The following TNFSF4 variants were observed in gnomAD, a reference collection of about 807,000 sequenced individuals.
TNFSF4 encodes the protein TNF superfamily member 4, also known as tumor necrosis factor ligand superfamily member 4.
In TNFSF4, 4 loss-of-function variants were observed where a neutral mutation model predicts 7.3. The ratio of observed to expected loss-of-function variants is 0.55; its 90% confidence interval spans 0.27 to 1.25. TNFSF4 has a LOEUF of 1.25. TNFSF4 is among the 50% of genes most tolerant of loss of function. The pLI is 0.12. For missense variants in TNFSF4, 181 were observed against 208.8 expected, an observed-to-expected ratio of 0.87 and a Z score of 0.82; for synonymous variants, 76 against 83.7, an observed-to-expected ratio of 0.91 and a Z score of 0.50.
chr1:173,290,102 C>T, the TNFSF4 span, among the ~76,000 whole-genome samples: 10 of 151,998 alleles, frequency 6.6e-5, no homozygotes, highest in African/African-American at 1.9e-4. Flanking sequence ...TACCTTAAAA[C>T]GAAAACATCA....
At chr1:173,381,997 A>T in the TNFSF4 span, among the ~76,000 whole-genome samples, 23 of 152,028 alleles carry the variant, frequency 1.5e-4, no homozygotes, top group Non-Finnish European at 2.6e-4. Context: ...GGGTGAAATA[A>T]AGGAATAAAA....
the TNFSF4 span, chr1:173,418,745 C>G: frequency 6.6e-6 from 1 of 151,586 alleles, no homozygotes; most frequent in Admixed American, 6.6e-5. Flanking sequence ...CGGGCTTCCA[C>G]CAGGACCCTA....
At chr1:173,239,035 T>C in the TNFSF4 span, among the ~76,000 whole-genome samples, 1 of 152,230 alleles carries the variant, frequency 6.6e-6, no homozygotes, top group East Asian at 1.9e-4. Context: ...GAGCCTGTTA[T>C]CTCCAAGATG....
the TNFSF4 span, among the ~76,000 whole-genome samples, chr1:173,443,564 A>G: frequency 6.6e-6 from 1 of 152,234 alleles, no homozygotes. Context: ...AGATAGATGT[A>G]GATATAGATA....
At chr1:173,405,637 A>C in the TNFSF4 span, among the ~76,000 whole-genome samples, 1 of 152,214 alleles carries the variant, frequency 6.6e-6, no homozygotes, top group Non-Finnish European at 1.5e-5. Context: ...GTACCAAGGT[A>C]AATTTAGGTT....
chr1:173,239,578 A>G, the TNFSF4 span, among the ~76,000 whole-genome samples: 1 of 152,160 alleles, frequency 6.6e-6, no homozygotes, highest in African/African-American at 2.4e-5. Flanking sequence ...TGTTATCCTC[A>G]TCTAACAGAA....
At chr1:173,210,804 C>T (rs896055403), upstream of TNFSF4, among the ~76,000 whole-genome samples, 3 of 152,062 alleles carry the variant, frequency 2.0e-5, no homozygotes, top group African/African-American at 4.8e-5. Context: ...TGCTCTGTGC[C>T]AGCTGAGGGA....
the TNFSF4 span, among the ~76,000 whole-genome samples, chr1:173,326,544 G>C: frequency 2.0e-5 from 3 of 152,092 alleles, no homozygotes; most frequent in African/African-American, 4.8e-5. Flanking sequence ...AGGAAATAAA[G>C]GGCATTCAAT....
the TNFSF4 span, among the ~76,000 whole-genome samples, chr1:173,352,522 C>A: frequency 6.6e-6 from 1 of 151,968 alleles, no homozygotes; most frequent in African/African-American, 2.4e-5. Context: ...AAAACCAGCA[C>A]GTTTTTATTA....
At chr1:173,313,522 T>C in the TNFSF4 span, among the ~76,000 whole-genome samples, 1 of 152,224 alleles carries the variant, frequency 6.6e-6, no homozygotes, top group Middle Eastern at 3.4e-3. Context: ...TCATCTCTCA[T>C]ATGTTAGTGA....
chr1:173,328,469 C>T, the TNFSF4 span, among the ~76,000 whole-genome samples: 60 of 151,400 alleles, frequency 4.0e-4, no homozygotes, highest in Middle Eastern at 6.8e-3. Context: ...CAAACCTGCA[C>T]GTTGTGCACA....
the TNFSF4 span, among the ~76,000 whole-genome samples, chr1:173,284,506 C>A: frequency 6.6e-6 from 1 of 152,214 alleles, no homozygotes; most frequent in Non-Finnish European, 1.5e-5. Context: ...GTAGATGAAA[C>A]TGTCTTCTAC....
the TNFSF4 span, among the ~76,000 whole-genome samples, chr1:173,228,675 A>C: frequency 6.6e-6 from 1 of 152,180 alleles, no homozygotes; most frequent in Non-Finnish European, 1.5e-5. Context: ...AAGCTTAAAA[A>C]CCTTGAAAAA....
the TNFSF4 span, among the ~76,000 whole-genome samples, chr1:173,346,762 G>GA: frequency 6.6e-6 from 1 of 152,012 alleles, no homozygotes; most frequent in African/African-American, 2.4e-5. Context: ...TGCCCACCCA[G>GA]AAAAACCTCT....
chr1:173,345,132 T>C, the TNFSF4 span, among the ~76,000 whole-genome samples: 24 of 152,320 alleles, frequency 1.6e-4, no homozygotes, highest in African/African-American at 5.8e-4. Flanking sequence ...CAGAGGCCCT[T>C]TGTAATAAAA....
At chr1:173,324,310 T>C in the TNFSF4 span, among the ~76,000 whole-genome samples, 1 of 152,066 alleles carries the variant, frequency 6.6e-6, no homozygotes, top group Non-Finnish European at 1.5e-5. Context: ...GACAAGCAAA[T>C]GCTGAGAGAT....
At chr1:173,304,194 G>A in the TNFSF4 span, among the ~76,000 whole-genome samples, 1 of 151,850 alleles carries the variant, frequency 6.6e-6, no homozygotes, top group African/African-American at 2.4e-5. Context: ...TAAAGGTTAT[G>A]GTATCTTTCA....
the TNFSF4 span, among the ~76,000 whole-genome samples, chr1:173,408,000 T>A: frequency 6.6e-6 from 1 of 152,144 alleles, no homozygotes; most frequent in African/African-American, 2.4e-5. Flanking sequence ...GCCAGAAAGT[T>A]GGCAATCTGC....
the TNFSF4 span, among the ~76,000 whole-genome samples, chr1:173,299,321 A>C: frequency 6.6e-6 from 1 of 151,744 alleles, no homozygotes; most frequent in Non-Finnish European, 1.5e-5. Flanking sequence ...ATCATGGCTC[A>C]CTCCCAGGGC....
Sources: allele counts gnomAD v4.1 joint callset (sites outside exome capture counted in the v4.1 genomes callset), GRCh38; gene constraint gnomAD v4.1.1; transcripts MANE v1.5; gene names NCBI Gene and HGNC (gene_info 2026-07-23, HGNC 2026-07-21).